Variants in GRIN2B observed in about 807,000 individuals in gnomAD.
GRIN2B encodes glutamate ionotropic receptor NMDA type subunit 2B, also known as glutamate receptor ionotropic, NMDA 2B.
A neutral mutation model predicts 114.5 loss-of-function variants in GRIN2B; 5 were observed. The observed-to-expected ratio is 0.04, with a 90% CI of 0.02 to 0.09. The LOEUF is 0.09. Ranked by LOEUF, GRIN2B falls within the 10% of genes least tolerant of loss-of-function variation. The pLI is 1.00. For missense variants in GRIN2B, 1,108 were observed against 1,943.5 expected (o/e 0.57, Z 8.08); for synonymous variants, 787 against 745.1 (o/e 1.06, Z -0.92).
At chr12:13,856,384 A>G (rs1253735712) in intron 3 of GRIN2B, among the ~76,000 whole-genome samples, 2 of 152,160 alleles carry the variant, frequency 1.3e-5, no homozygotes, top group Non-Finnish European at 2.9e-5. Context: ...AAGTAATAAT[A>G]GATCTGAGTT....
intron 2 of GRIN2B, among the ~76,000 whole-genome samples, chr12:13,928,322 A>T (rs773217111): frequency 3.4e-4 from 52 of 152,114 alleles, no homozygotes; most frequent in Admixed American, 6.6e-4. Flanking sequence ...AAAAAAAGAA[A>T]TAATGAATTT....
Position 13,616,722 on chromosome 12 carries a change from G to A in GRIN2B, c.1126-65C>T, listed in dbSNP as rs1429685315. 2.3e-6 allele frequency: 3 copies of A among 1,301,318 alleles called. No homozygotes were observed. The African/African-American group carries it at 4.4e-5, about 19-fold the overall frequency. 80.6% of individuals were successfully genotyped at this position (1,301,318 alleles called of 1,614,324 possible). ...ACAACATAACAAACAGCCTGTCCCA[G>A]TATTGTCTGAACAATCCCAGGAAGC... On this transcript the variant is annotated intron_variant, in intron 5 of 13. Coordinates refer to ENST00000609686, the MANE Select transcript of GRIN2B (RefSeq NM_000834.5).
chr12:13,751,815 G>C (rs1326378119), intron 4 of GRIN2B, among the ~76,000 whole-genome samples: 8 of 152,132 alleles, frequency 5.3e-5, no homozygotes, highest in Non-Finnish European at 7.3e-5. Context: ...TGTATCCTTG[G>C]GAATGGATGA....
chr12:13,621,745 A>C (rs1394250090), intron 5 of GRIN2B, among the ~76,000 whole-genome samples: 4 of 151,356 alleles, frequency 2.6e-5, no homozygotes, highest in Admixed American at 2.0e-4. Context: ...CTACCTTACA[A>C]ACCTGTGGTA....
intron 2 of GRIN2B, among the ~76,000 whole-genome samples, chr12:13,921,148 GCACTTT>G (rs1428253538): frequency 1.3e-5 from 2 of 152,190 alleles, no homozygotes; most frequent in Non-Finnish European, 2.9e-5. Context: ...TGTAATCCCA[GCACTTT>G]GGGAGGCCAA....
At chr12:13,937,855 C>T (rs1195153508) in intron 2 of GRIN2B, among the ~76,000 whole-genome samples, 2 of 152,036 alleles carry the variant, frequency 1.3e-5, no homozygotes, top group African/African-American at 2.4e-5. Context: ...AAATTATCCT[C>T]CTGCGAAGTT....
chr12:13,806,909 G>A (rs1474188098), intron 3 of GRIN2B, among the ~76,000 whole-genome samples: 2 of 151,610 alleles, frequency 1.3e-5, no homozygotes, highest in South Asian at 2.1e-4. Flanking sequence ...ATGAGATAAG[G>A]GTTAAAAAAT....
intron 5 of GRIN2B, among the ~76,000 whole-genome samples, chr12:13,671,089 A>C (rs1188491294): frequency 6.6e-6 from 1 of 152,160 alleles, no homozygotes; most frequent in African/African-American, 2.4e-5. Context: ...AGGGAAGCAA[A>C]GGGTCATAGA....
chr12:13,911,674 G>A (rs558869688), intron 2 of GRIN2B, among the ~76,000 whole-genome samples: 1 of 152,136 alleles, frequency 6.6e-6, no homozygotes, highest in East Asian at 1.9e-4. Flanking sequence ...CTCCAGCCTA[G>A]TACGTACACA....
intron 2 of GRIN2B, among the ~76,000 whole-genome samples, chr12:13,979,661 C>T (rs570499751): frequency 6.6e-6 from 1 of 152,006 alleles, no homozygotes; most frequent in South Asian, 2.1e-4. Flanking sequence ...TAGATACATT[C>T]CCCTGATGCC....
chr12:13,955,474 A>G (rs970247201), intron 2 of GRIN2B, among the ~76,000 whole-genome samples: 2 of 152,216 alleles, frequency 1.3e-5, no homozygotes, highest in Non-Finnish European at 2.9e-5. Context: ...TGTTGGCTCT[A>G]TTTGAACAGG....
At chr12:13,936,906 A>G (rs928574748) in intron 2 of GRIN2B, among the ~76,000 whole-genome samples, 1 of 152,108 alleles carries the variant, frequency 6.6e-6, no homozygotes, top group East Asian at 1.9e-4. Flanking sequence ...GAAATGAAAA[A>G]AAAAATCATT....
intron 3 of GRIN2B, among the ~76,000 whole-genome samples, chr12:13,784,203 A>T (rs375916613): frequency 8.1e-6 from 1 of 124,218 alleles, no homozygotes; most frequent in Non-Finnish European, 1.6e-5. Flanking sequence ...CAGCCTGGGC[A>T]ACAGAGTGAG....
At position 13,546,365 on chromosome 12, in the gene GRIN2B, A is replaced by C. The variant is rs1164332136; in HGVS notation, c.*16418T>G. 2 of 152,232 alleles carry C rather than the reference A, an allele frequency of 1.3e-5. No individual in the cohort carries two copies. Among genetic ancestry groups the C allele is most frequent in the Non-Finnish European group, 2.9e-5 (2 of 68,038 alleles). The allele number at this position is 152,232 out of a possible 1,614,324, so 9.4% of individuals were successfully genotyped here. A position where few individuals can be genotyped will look rare whatever the true frequency, so the allele number is the denominator to read the frequency against. On this transcript the variant is annotated 3_prime_UTR_variant, in exon 14 of 14. Transcript: ENST00000609686. ...GGAAGAAAGCCTACGTCTCTTTCTAAAGCCAGCCTGTCACCATTTCTGAGC... is the reference window on the plus strand; with the variant it reads ...GGAAGAAAGCCTACGTCTCTTTCTACAGCCAGCCTGTCACCATTTCTGAGC...
chr12:13,954,495 G>GA (rs906921060), intron 2 of GRIN2B, among the ~76,000 whole-genome samples: 1 of 152,072 alleles, frequency 6.6e-6, no homozygotes, highest in African/African-American at 2.4e-5. Flanking sequence ...GCCATCTGCA[G>GA]ACTGAGTCAC....
chr12:13,930,849 C>T (rs11609547), intron 2 of GRIN2B, among the ~76,000 whole-genome samples: 131 of 152,198 alleles, frequency 8.6e-4, no homozygotes, highest in Non-Finnish European at 1.7e-3. Flanking sequence ...AAAAAAAACC[C>T]ATCTATATAA....
chr12:13,722,844 T>G (rs1372220286), intron 4 of GRIN2B, among the ~76,000 whole-genome samples: 6 of 152,116 alleles, frequency 3.9e-5, no homozygotes, highest in Non-Finnish European at 1.5e-5. Flanking sequence ...ATGAGCAGTT[T>G]GTTTAACTGA....
intron 10 of GRIN2B, among the ~76,000 whole-genome samples, chr12:13,598,192 C>T (rs887566853): frequency 6.6e-6 from 1 of 152,250 alleles, no homozygotes; most frequent in South Asian, 2.1e-4. Flanking sequence ...TCAGGAAGAA[C>T]ATTGGACCAA....
intron 5 of GRIN2B, among the ~76,000 whole-genome samples, chr12:13,656,013 AGT>A (rs539395081): frequency 4.7e-4 from 71 of 152,154 alleles, no homozygotes; most frequent in Middle Eastern, 6.8e-3. Context: ...CTTCTCCTGT[AGT>A]GTTTTTCTTT....
Sources: allele counts gnomAD v4.1 joint callset (sites outside exome capture counted in the v4.1 genomes callset), GRCh38; gene constraint gnomAD v4.1.1; transcripts MANE v1.5; gene names NCBI Gene and HGNC (gene_info 2026-07-23, HGNC 2026-07-21).